The following GALK2 variants were observed in gnomAD, a reference collection of about 807,000 sequenced individuals.
GALK2 encodes the protein N-acetylgalactosamine kinase.
In GALK2, 36 loss-of-function variants were observed where a neutral mutation model predicts 52.4. The ratio of observed to expected loss-of-function variants is 0.69; its 90% CI spans 0.53 to 0.91. The LOEUF (loss-of-function observed/expected upper bound fraction) is 0.91, where lower values mean the gene tolerates loss of function less well. Among genes scored for constraint, GALK2 ranks in the 40% least tolerant of loss-of-function variants. GALK2 has a pLI of 0.00. For synonymous variants in GALK2, 176 were observed against 199.1 expected, an observed-to-expected ratio of 0.88 and a Z score of 0.98; for missense variants, 579 against 559.1, an observed-to-expected ratio of 1.04 and a Z score of -0.36.
chr15:49,270,497 C>G (rs2030333131), intron 5 of GALK2, among the ~76,000 whole-genome samples: 3 of 152,198 alleles, frequency 2.0e-5, no homozygotes, highest in African/African-American at 7.2e-5. Context: ...GAGTGGTGTT[C>G]ACATGACTCT....
At chr15:49,318,938 G>A (rs1422518043) in intron 8 of GALK2, 1 of 452,386 alleles carries the variant, frequency 2.2e-6, no homozygotes. Flanking sequence ...TTATGAGGTA[G>A]TACTTTTCTT....
chr15:49,266,068 C>T (rs562195490), intron 5 of GALK2, among the ~76,000 whole-genome samples: 9 of 152,160 alleles, frequency 5.9e-5, no homozygotes, highest in Non-Finnish European at 8.8e-5. Flanking sequence ...GACATCTGAT[C>T]TCAGCTGCTG....
intron 1 of GALK2, among the ~76,000 whole-genome samples, chr15:49,164,280 G>A (rs1344151161): frequency 3.3e-5 from 5 of 151,768 alleles, no homozygotes; most frequent in Admixed American, 2.0e-4. Flanking sequence ...ATTTTGAGCC[G>A]AAGCCAATTG....
chr15:49,277,582 G>A (rs886982779), intron 5 of GALK2, among the ~76,000 whole-genome samples: 2 of 149,262 alleles, frequency 1.3e-5, no homozygotes, highest in Non-Finnish European at 3.0e-5. Context: ...CGGATCACGA[G>A]GTCAGGAGAT....
In GALK2 at chr15:49,228,678, T is replaced by C. The variant is rs865986755; in HGVS notation, c.267-7173T>C. 4.4e-4 allele frequency among the ~76,000 whole-genome samples: 7 copies of C among 15,844 alleles called. 1 individual carries two copies. The highest frequency in any genetic ancestry group is 1.0e-3 in the East Asian group (1 of 986). The allele number at this position is 15,844 out of a possible 152,430, so 10.4% of individuals were successfully genotyped here. ...TTTCACTGATATATATATATATATA[T>C]ATATATATATTTTTTTTTTTTTTTT... On this transcript the variant is annotated intron_variant, in intron 3 of 9. Transcript: ENST00000560031.
intron 7 of GALK2, among the ~76,000 whole-genome samples, chr15:49,285,006 A>G (rs2033182089): frequency 6.6e-6 from 1 of 152,080 alleles, no homozygotes; most frequent in South Asian, 2.1e-4. Context: ...TTCTATTTCT[A>G]CTTTTTCATT....
intron 1 of GALK2, among the ~76,000 whole-genome samples, chr15:49,194,368 C>G (rs1055770703): frequency 2.0e-5 from 3 of 151,946 alleles, no homozygotes; most frequent in Admixed American, 6.6e-5. Context: ...GAGATGCCAC[C>G]ATCATCATAT....
At chr15:49,174,172 T>C (rs1365450646) in intron 1 of GALK2, among the ~76,000 whole-genome samples, 1 of 152,210 alleles carries the variant, frequency 6.6e-6, no homozygotes, top group Non-Finnish European at 1.5e-5. Context: ...TGTGTACATA[T>C]ACATATGTAC....
chr15:49,220,663 T>C (rs2089730275), intron 3 of GALK2, among the ~76,000 whole-genome samples: 1 of 152,188 alleles, frequency 6.6e-6, no homozygotes, highest in African/African-American at 2.4e-5. Context: ...TCCCTACTGT[T>C]TTGTATAATG....
chr15:49,210,659 G>A lies in GALK2; in HGVS notation c.143-6531G>A, dbSNP rs572032830. 2.1e-4 allele frequency among the ~76,000 whole-genome samples: 32 copies of A among 151,780 alleles called. No individual in the cohort carries two copies. The South Asian group carries it at 5.4e-3, about 26-fold the overall frequency. On this transcript the variant is annotated intron_variant, in intron 2 of 9. Transcript: ENST00000560031. ...TTTCACCACGAAGGCCAGGCTGGTC[G>A]CGAACTCCTGACCTCAGGTGATCCA...
intron 1 of GALK2, among the ~76,000 whole-genome samples, chr15:49,184,919 T>A (rs1387433473): frequency 2.0e-5 from 3 of 152,202 alleles, no homozygotes; most frequent in African/African-American, 4.8e-5. Context: ...TGTTACAATG[T>A]TCTGTGTTTG....
At chr15:49,365,392 A>G in intron 3 of GALK2, 1 of 1,135,296 alleles carries the variant, frequency 8.8e-7, no homozygotes, top group Admixed American at 1.7e-5. Context: ...TATACGAAGA[A>G]CCAGTCTAAA....
chr15:49,299,756 TTTC>T (rs1725779664), intron 8 of GALK2, among the ~76,000 whole-genome samples: 3 of 137,818 alleles, frequency 2.2e-5, no homozygotes, highest in Admixed American at 7.3e-5. Flanking sequence ...TCTTTCTTTC[TTTC>T]TTTCTTTCTT....
intron 1 of GALK2, among the ~76,000 whole-genome samples, chr15:49,181,445 C>T (rs1271767430): frequency 6.6e-6 from 1 of 151,256 alleles, no homozygotes; most frequent in Non-Finnish European, 1.5e-5. Context: ...TTATTCATCT[C>T]CTTTCAAAGA....
intron 1 of GALK2, among the ~76,000 whole-genome samples, chr15:49,189,196 A>G (rs1386289046): frequency 6.6e-6 from 1 of 152,224 alleles, no homozygotes. Context: ...GCCCAAAACA[A>G]TGGTCTTCCA....
At chr15:49,357,229 A>G (rs2043306017) in intron 3 of GALK2, among the ~76,000 whole-genome samples, 1 of 150,586 alleles carries the variant, frequency 6.6e-6, no homozygotes, top group Non-Finnish European at 1.5e-5. Context: ...AGAAATAACT[A>G]AAATCAGAGC....
chr15:49,161,531 T>C (rs973074051), intron 1 of GALK2, among the ~76,000 whole-genome samples: 3 of 152,180 alleles, frequency 2.0e-5, no homozygotes, highest in Non-Finnish European at 4.4e-5. Flanking sequence ...TATTCAATGG[T>C]AAATAATAGA....
rs371931468 is a variant in GALK2, at chr15:49,358,081, C to T, written c.427-9410C>T. Among the ~76,000 whole-genome samples the T allele has an allele frequency of 1.5e-3, 230 of 151,974 alleles. 6 individuals are homozygous for T. The South Asian group carries it at 0.028, about 18-fold the overall frequency. The stretch of plus-strand genomic sequence containing the variant: ...ATCAATAAATTAGGTATTGATGGGA[C>T]GTATTTCAAAATAATAAGAGCTATC... On this transcript the variant is annotated intron_variant, in intron 3 of 3. Coordinates refer to the GALK2 transcript ENST00000558399.
chr15:49,332,942 G>C (rs1299413406), downstream of GALK2, among the ~76,000 whole-genome samples: 1 of 151,988 alleles, frequency 6.6e-6, no homozygotes, highest in African/African-American at 2.4e-5. Context: ...GTCTTCTCAA[G>C]CTGAGTTTCC....
Sources: allele counts gnomAD v4.1 joint callset (sites outside exome capture counted in the v4.1 genomes callset), GRCh38; gene constraint gnomAD v4.1.1; transcripts MANE v1.5; gene names NCBI Gene and HGNC (gene_info 2026-07-23, HGNC 2026-07-21).